UVSSA: variants seen among roughly 807,000 people sequenced by gnomAD.
UVSSA encodes the protein UV stimulated scaffold protein A.
In UVSSA, 72 loss-of-function variants were observed where a neutral mutation model predicts 73.9. The ratio of observed to expected loss-of-function variants is 0.97; its 90% CI spans 0.81 to 1.19. The LOEUF is 1.19. Ranked by LOEUF, UVSSA falls within the 50% of genes most tolerant of loss-of-function variation. The probability of loss-of-function intolerance (pLI) is 0.00; values close to 1 mark genes in which losing one functional copy is unlikely to be tolerated. For missense variants in UVSSA, 1,150 were observed against 965.0 expected, an observed-to-expected ratio of 1.19 and a Z score of -2.54; for synonymous variants, 454 against 391.3, an observed-to-expected ratio of 1.16 and a Z score of -1.89.
chr4:1,388,507 T>C (rs1484355610), downstream of UVSSA: 1 of 152,258 alleles, frequency 6.6e-6, no homozygotes, highest in East Asian at 1.9e-4. Context: ...GTTGAATAGA[T>C]GTGGTGAGAA....
chr4:1,354,828 C>G lies in UVSSA; in HGVS notation c.1028C>G (p.Ala343Gly), dbSNP rs533309119. 3.1e-6 allele frequency: 5 copies of G among 1,609,590 alleles called. No homozygotes were observed. The African/African-American group carries it at 6.8e-5, about 22-fold the overall frequency. ...CTCATCCGGAACAAGTTCCTGCCGGCTGTGTGCTCGTGGATCCAGGTGAGC... is the reference window on the plus strand; with the variant it reads ...CTCATCCGGAACAAGTTCCTGCCGGGTGTGTGCTCGTGGATCCAGGTGAGC... ...LKLIRNKFLP[A>G]VCSWIQRFTR... Residue 343 changes from alanine (A) to glycine (G), a missense_variant, in exon 6 of 14, where the codon GCT becomes GGT. Transcript: ENST00000389851.
intron 11 of UVSSA, among the ~76,000 whole-genome samples, chr4:1,380,460 G>C (rs975950465): frequency 2.0e-5 from 3 of 152,204 alleles, no homozygotes; most frequent in Non-Finnish European, 2.9e-5. Context: ...CTGGGTACAT[G>C]GCTTGGGGAC....
At chr4:1,346,765 T>G (rs1713744696), upstream of UVSSA, among the ~76,000 whole-genome samples, 1 of 152,012 alleles carries the variant, frequency 6.6e-6, no homozygotes, top group Non-Finnish European at 1.5e-5. Flanking sequence ...GGCGTGGCGT[T>G]GAGGCCCAGA....
At chr4:1,392,539 G>C (rs1423959423), downstream of UVSSA, 1 of 152,212 alleles carries the variant, frequency 6.6e-6, no homozygotes, top group Admixed American at 6.5e-5. Context: ...AAGAATAATT[G>C]TGCTGGATAT....
At chr4:1,374,252 G>A (rs1718480154) in intron 8 of UVSSA, among the ~76,000 whole-genome samples, 1 of 152,202 alleles carries the variant, frequency 6.6e-6, no homozygotes, top group Non-Finnish European at 1.5e-5. Flanking sequence ...CAGCAGGTTT[G>A]GGGAGGTGGG....
chr4:1,380,124 T>G lies in UVSSA; in HGVS notation c.1646T>G (p.Leu549Arg). 6.2e-7 allele frequency: 1 copy of G among 1,612,962 alleles called. No individual in the cohort carries two copies. The highest frequency in any genetic ancestry group is 8.5e-7 in the Non-Finnish European group (1 of 1,179,950). The change falls in exon 11 of 14, where the codon CTC becomes CGC. Residue 549 changes from leucine to arginine, a missense_variant. Transcript: ENST00000389851. ...GTCAATGCCGACATCTCCGAGATGCTCCGGAGCCGCCACATCACTTTTGCC... is the reference window on the plus strand; with the variant it reads ...GTCAATGCCGACATCTCCGAGATGCGCCGGAGCCGCCACATCACTTTTGCC... ...EVVNADISEMLRSRHITFAGK... is the reference protein window; with the variant it reads ...EVVNADISEMRRSRHITFAGK...
rs375916612 is a variant in UVSSA, at chr4:1,376,086, C to T, written c.1486C>T (p.Arg496Trp). 91 of 1,602,016 alleles carry T rather than the reference C, an allele frequency of 5.7e-5. No individual in the cohort carries two copies. The Middle Eastern group carries it at 6.7e-4, about 12-fold the overall frequency. Residue 496 changes from arginine to tryptophan, a missense_variant, in exon 10 of 14, where the codon CGG (arginine) becomes TGG (tryptophan). Coordinates refer to ENST00000389851, the MANE Select transcript of UVSSA (RefSeq NM_020894.4). Reference sequence around the variant, plus strand: ...GGAGGCCCAGAAGCTGGCAGCAGAGCGGGCCCGGGCGCCTGTGGTGCCCTA... The same window carrying T: ...GGAGGCCCAGAAGCTGGCAGCAGAGTGGGCCCGGGCGCCTGTGGTGCCCTA... ...PQEAQKLAAE[R>W]ARAPVVPYGV...
intron 13 of UVSSA, chr4:1,385,600 C>A: frequency 4.0e-6 from 2 of 503,704 alleles, no homozygotes; most frequent in African/African-American, 1.9e-5. Flanking sequence ...CAAGGTGGGG[C>A]TGGGGCCACC....
At chr4:1,354,230 C>G (rs1251689565) in intron 5 of UVSSA, among the ~76,000 whole-genome samples, 1 of 152,198 alleles carries the variant, frequency 6.6e-6, no homozygotes, top group African/African-American at 2.4e-5. Context: ...CTGGGCTGTC[C>G]TCGCCTGTAT....
chr4:1,358,819 TC>T (rs1560444580), intron 7 of UVSSA, among the ~76,000 whole-genome samples: 1 of 152,246 alleles, frequency 6.6e-6, no homozygotes, highest in African/African-American at 2.4e-5. Flanking sequence ...GGGATTGGCG[TC>T]GTTAACTCCG....
At chr4:1,367,006 G>A (rs922956869) in intron 8 of UVSSA, among the ~76,000 whole-genome samples, 7 of 152,282 alleles carry the variant, frequency 4.6e-5, no homozygotes, top group Admixed American at 1.3e-4. Flanking sequence ...CCACCACCCC[G>A]CGCCTTCCAG....
At position 1,381,149 on chromosome 4, in the gene UVSSA, G is replaced by A. The variant is rs368041959; in HGVS notation, c.1861+161G>A. Among the ~76,000 whole-genome samples, 100 of 152,292 alleles carry A rather than the reference G, an allele frequency of 6.6e-4. 3 individuals are homozygous for A. In the South Asian group the frequency reaches 0.016, roughly 24 times the overall value. ...ATAACTGGCAGAATCAGGAGGGGAT[G>A]CTGCCCTGAGGGTCCTGGGTTTGGG... On this transcript the variant is annotated intron_variant, in intron 12 of 13. Coordinates refer to ENST00000389851, the MANE Select transcript of UVSSA (RefSeq NM_020894.4).
chr4:1,393,570 TAGATTAGA>T (rs773457368), exon 14 of UVSSA: 41 of 125,930 alleles, frequency 3.3e-4, no homozygotes, highest in African/African-American at 1.2e-3. Context: ...GATAGATAGA[TAGATTAGA>T]TAGATAGATA....
At chr4:1,361,054 C>G (rs1033081832) in intron 7 of UVSSA, among the ~76,000 whole-genome samples, 1 of 152,240 alleles carries the variant, frequency 6.6e-6, no homozygotes, top group African/African-American at 2.4e-5. Context: ...AGACCCAGGA[C>G]CCCCGGCCCG....
chr4:1,355,633 C>T (rs1022893472), intron 7 of UVSSA, among the ~76,000 whole-genome samples: 13 of 152,206 alleles, frequency 8.5e-5, no homozygotes, highest in African/African-American at 3.1e-4. Context: ...GGCAAACCCT[C>T]AGACGGCCAG....
At chr4:1,395,689 T>G in exon 14 of UVSSA, 2 of 1,612,880 alleles carry the variant, frequency 1.2e-6, no homozygotes, top group Non-Finnish European at 1.7e-6. Flanking sequence ...CCATGTGGAG[T>G]GCCCGCCTGC....
intron 1 of UVSSA, 115 bp from the exon 2 acceptor site, chr4:1,347,975 C>T: frequency 1.2e-6 from 1 of 827,032 alleles, no homozygotes; most frequent in Non-Finnish European, 2.0e-6. Flanking sequence ...GGACCCCAGC[C>T]TCAGGGTCCT....
At chr4:1,365,698 C>G (rs1483705963) in intron 7 of UVSSA, among the ~76,000 whole-genome samples, 1 of 152,260 alleles carries the variant, frequency 6.6e-6, no homozygotes, top group Non-Finnish European at 1.5e-5. Context: ...ACCTGACATG[C>G]TGTGGTCACA....
At chr4:1,388,525 C>G (rs1720316407), downstream of UVSSA, 1 of 152,194 alleles carries the variant, frequency 6.6e-6, no homozygotes. Flanking sequence ...GAACAGACAT[C>G]CTCGTCTTAC....
Sources: gnomAD v4.1 joint callset for allele counts (sites outside exome capture counted in the v4.1 genomes callset) on GRCh38, gnomAD v4.1.1 for gene constraint, MANE v1.5 for transcripts, NCBI Gene and HGNC (gene_info 2026-07-23, HGNC 2026-07-21) for gene names.